The following SLC4A4 variants were observed in gnomAD, a reference collection of about 807,000 sequenced individuals.
The protein encoded by SLC4A4 is solute carrier family 4 member 4.
In SLC4A4, 27 loss-of-function variants were observed where a neutral mutation model predicts 111.5. That is an observed-to-expected ratio of 0.24 (90% CI 0.18 to 0.33). SLC4A4 has a LOEUF of 0.33. SLC4A4 is among the 10% of genes least tolerant of loss of function. The pLI, the probability that SLC4A4 is intolerant of heterozygous loss-of-function variation, is 1.00. For synonymous variants in SLC4A4, 443 were observed against 463.4 expected (o/e 0.96, Z 0.57); for missense variants, 909 against 1,315.5 (o/e 0.69, Z 4.78).
chr4:71,450,617 G>A (rs1725674564), intron 10 of SLC4A4, 74 bp downstream of exon 10: 3 of 1,308,650 alleles, frequency 2.3e-6, no homozygotes, highest in African/African-American at 1.5e-5. Context: ...AAAAAAAAAA[G>A]TGAAGTCAAC....
At position 71,074,925 on chromosome 4, in the gene SLC4A4, C is replaced by T. The variant is rs1322618631; in HGVS notation, c.-65+12137C>T. Among the ~76,000 whole-genome samples the T allele has an allele frequency of 3.9e-5, 6 of 152,178 alleles. No homozygotes were observed. In the South Asian group the frequency reaches 6.2e-4, roughly 16 times the overall value. The stretch of plus-strand genomic sequence containing the variant: ...TGATCGTTGTTTGTTCTGACTTCTA[C>T]TTCTGGTACAGTGTCAGTGCCTCTC... On this transcript the variant is annotated intron_variant, in intron 1 of 26. Coordinates refer to the SLC4A4 transcript ENST00000649996.
At chr4:71,458,296 T>C (rs1268260363) in intron 12 of SLC4A4, among the ~76,000 whole-genome samples, 2 of 152,100 alleles carry the variant, frequency 1.3e-5, no homozygotes, top group South Asian at 2.1e-4. Context: ...AAGATACTTA[T>C]ATAAGGAATA....
intron 16 of SLC4A4, among the ~76,000 whole-genome samples, chr4:71,528,464 C>T (rs1733607009): frequency 6.6e-6 from 1 of 152,042 alleles, no homozygotes; most frequent in Admixed American, 6.6e-5. Context: ...ATGGATTTAA[C>T]TTTACAGAGT....
At chr4:71,443,116 C>CTCTCTCTCTCTATATA (rs1198759861) in intron 8 of SLC4A4, among the ~76,000 whole-genome samples, 3 of 65,654 alleles carry the variant, frequency 4.6e-5, no homozygotes, top group African/African-American at 2.6e-4. Flanking sequence ...CTCTCTCTCT[C>CTCTCTCTCTCTATATA]TATATATATA....
intron 2 of SLC4A4, among the ~76,000 whole-genome samples, chr4:71,159,870 A>G (rs565122809): frequency 1.4e-3 from 214 of 152,052 alleles, no homozygotes; most frequent in Non-Finnish European, 2.3e-3. Flanking sequence ...ACAGCATTCT[A>G]AAGTTCTATT....
intron 3 of SLC4A4, among the ~76,000 whole-genome samples, chr4:71,260,878 A>G (rs769842164): frequency 2.0e-5 from 3 of 152,216 alleles, no homozygotes; most frequent in Non-Finnish European, 2.9e-5. Context: ...TGTAGTCAGC[A>G]ATAATGGTTA....
chr4:71,226,512 TGG>T (rs1719059443), intron 1 of SLC4A4, among the ~76,000 whole-genome samples: 1 of 152,194 alleles, frequency 6.6e-6, no homozygotes, highest in Admixed American at 6.5e-5. Flanking sequence ...ATAGTCTGTG[TGG>T]AGAGCTAAGA....
chr4:71,410,445 T>A (rs949387378), intron 7 of SLC4A4, among the ~76,000 whole-genome samples: 1 of 152,172 alleles, frequency 6.6e-6, no homozygotes, highest in Non-Finnish European at 1.5e-5. Context: ...CCCACTGGAT[T>A]TTGGACTTGC....
intron 3 of SLC4A4, among the ~76,000 whole-genome samples, chr4:71,269,936 T>G (rs1045421085): frequency 6.6e-6 from 1 of 152,200 alleles, no homozygotes; most frequent in Non-Finnish European, 1.5e-5. Context: ...TAAAGAAATA[T>G]ACCTCACCAG....
chr4:71,358,192 T>C (rs1019532301), intron 6 of SLC4A4, among the ~76,000 whole-genome samples: 2 of 151,914 alleles, frequency 1.3e-5, no homozygotes, highest in Admixed American at 6.6e-5. Context: ...GGCACGCACC[T>C]TTGTCCCAGC....
intron 5 of SLC4A4, among the ~76,000 whole-genome samples, chr4:71,352,162 A>T (rs936541673): frequency 1.3e-5 from 2 of 152,234 alleles, no homozygotes; most frequent in African/African-American, 4.8e-5. Flanking sequence ...GCAACAATCA[A>T]TCCAGTTTTT....
At chr4:71,213,291 A>G (rs985739067) in intron 1 of SLC4A4, among the ~76,000 whole-genome samples, 3 of 152,212 alleles carry the variant, frequency 2.0e-5, no homozygotes, top group African/African-American at 7.2e-5. Flanking sequence ...TACTAGAAAT[A>G]ATGCTGGATT....
At position 71,536,492 on chromosome 4, in the gene SLC4A4, A is replaced by ATATT. The variant is rs1553928671; in HGVS notation, c.2442+2122_2442+2125dup. Among the ~76,000 whole-genome samples, 30 of 126,632 alleles carry ATATT rather than the reference A, an allele frequency of 2.4e-4. 1 individual carries two copies. The East Asian group carries it at 2.8e-3, about 12-fold the overall frequency. The allele number at this position is 126,632 out of a possible 152,430, so 83.1% of individuals were successfully genotyped here. On this transcript the variant is annotated intron_variant, in intron 18 of 25. Transcript: ENST00000264485. ...TATATATATATATATATATATGTAT[A>ATATT]TATTTATTTATTTATTTATTTTTAG...
At chr4:71,399,221 G>A (rs753887843) in intron 7 of SLC4A4, among the ~76,000 whole-genome samples, 5 of 152,100 alleles carry the variant, frequency 3.3e-5, no homozygotes, top group Non-Finnish European at 5.9e-5. Context: ...AACATATACT[G>A]AGGGATGACT....
intron 6 of SLC4A4, among the ~76,000 whole-genome samples, chr4:71,376,156 T>TACACAC (rs146405766): frequency 0.36 from 48,751 of 135,168 alleles, 10,276 homozygotes; most frequent in Non-Finnish European, 0.48. Context: ...CCTGTATATA[T>TACACAC]ACACACACAC....
At chr4:71,350,828 T>A (rs1201493639) in intron 5 of SLC4A4, among the ~76,000 whole-genome samples, 4 of 152,148 alleles carry the variant, frequency 2.6e-5, no homozygotes, top group African/African-American at 9.7e-5. Flanking sequence ...GATCCACATC[T>A]TCTTCCCCAT....
chr4:71,548,834 A>G (rs774461560), intron 20 of SLC4A4, among the ~76,000 whole-genome samples: 2 of 151,958 alleles, frequency 1.3e-5, no homozygotes, highest in Non-Finnish European at 2.9e-5. Context: ...TGCCAATCAG[A>G]TGAAATTGAG....
chr4:71,564,113 C>T (rs1236661720), intron 24 of SLC4A4, among the ~76,000 whole-genome samples: 7 of 151,708 alleles, frequency 4.6e-5, no homozygotes, highest in Admixed American at 6.6e-5. Context: ...AGTCTTTTCT[C>T]TTACCCAAAT....
chr4:71,189,686 G>A (rs1745646557), intron 1 of SLC4A4, among the ~76,000 whole-genome samples: 1 of 152,222 alleles, frequency 6.6e-6, no homozygotes, highest in African/African-American at 2.4e-5. Context: ...TTCCTTGCCT[G>A]CCTCTGTGAG....
Sources: gnomAD v4.1 joint callset for allele counts (sites outside exome capture counted in the v4.1 genomes callset) on GRCh38, gnomAD v4.1.1 for gene constraint, MANE v1.5 for transcripts, NCBI Gene and HGNC (gene_info 2026-07-23, HGNC 2026-07-21) for gene names.